Variants in MELTF observed in about 807,000 individuals in gnomAD.
The protein encoded by MELTF is antigen p97 (melanoma associated) identified by monoclonal antibodies 133.2 and 96.5.
In MELTF, 67 loss-of-function variants were observed where a neutral mutation model predicts 83.7. That is an observed-to-expected ratio of 0.80 (90% CI 0.66 to 0.98). The LOEUF is 0.98. Among genes scored for constraint, MELTF ranks in the 50% least tolerant of loss-of-function variants. The pLI is 0.00. For synonymous variants in MELTF, 462 were observed against 447.6 expected, an observed-to-expected ratio of 1.03 and a Z score of -0.41; for missense variants, 1,002 against 1,035.6, an observed-to-expected ratio of 0.97 and a Z score of 0.44.
Position 197,017,211 on chromosome 3 carries a change from A to G in MELTF, c.792T>C (p.Asp264=), listed in dbSNP as rs2148585664. The change falls in exon 7 of 16, where the codon GAT becomes GAC. Residue 264 remains aspartate, a synonymous_variant. Transcript: ENST00000296350. ...ELLCRDGSRA[D]VTEWRQCHLA... is the part of the protein sequence containing the mutation. ...GATGGCACTGCCTCCACTCGGTGAC[A>G]TCGGCCCGGCTACCATCCCGGCACA... The G allele has an allele frequency of 6.3e-7, 1 of 1,599,796 alleles. No individual in the cohort carries two copies. Among genetic ancestry groups the G allele is most frequent in the South Asian group, 1.1e-5 (1 of 88,222 alleles).
Position 197,007,599 on chromosome 3 carries a change from G to A in MELTF, c.1751-863C>T, listed in dbSNP as rs1353882634. The stretch of plus-strand genomic sequence containing the variant: ...GACCAGGCAGGCCCGCTGGGCTCGT[G>A]CAGGAGCACACAGCCCCTCCCTGGG... On this transcript the variant is annotated intron_variant, in intron 13 of 15. Coordinates refer to ENST00000296350, the MANE Select transcript of MELTF (RefSeq NM_005929.6). This position sits in a 1 kb window ranked among gnomAD's most constrained non-coding sequence, Gnocchi z 4.3. Among the ~76,000 whole-genome samples, 1 of 152,192 alleles carries A rather than the reference G, an allele frequency of 6.6e-6. No individual in the cohort carries two copies. Among genetic ancestry groups the A allele is most frequent in the African/African-American group, 2.4e-5 (1 of 41,444 alleles).
chr3:197,019,824 A>G, intron 6 of MELTF: 1 of 1,548,898 alleles, frequency 6.5e-7, no homozygotes. Context: ...GCAATGGTTA[A>G]TAACAGCAAA....
intron 9 of MELTF, among the ~76,000 whole-genome samples, chr3:197,012,330 A>G (rs1331063021): frequency 6.6e-6 from 1 of 152,234 alleles, no homozygotes; most frequent in Non-Finnish European, 1.5e-5. Context: ...TTCCAGACCC[A>G]GAAGTGGGGC....
In MELTF at chr3:197,024,230, T is replaced by A; in HGVS notation, c.487+73A>T. On this transcript the variant is annotated intron_variant, in intron 4 of 15. Transcript: ENST00000296350. The surrounding 1 kb of genome is among the most constrained non-coding windows in gnomAD (Gnocchi z 5.3). The stretch of plus-strand genomic sequence containing the variant: ...GCGAGGCCGGAGGGAGGCTACCCAG[T>A]GAAGGGACGAGCATGGGCCAAGGAA... The A allele has an allele frequency of 6.9e-7, 1 of 1,459,556 alleles. No individual in the cohort carries two copies. Among genetic ancestry groups the A allele is most frequent in the South Asian group, 1.3e-5 (1 of 74,212 alleles). 90.4% of individuals were successfully genotyped at this position (1,459,556 alleles called of 1,614,324 possible). A position where few individuals can be genotyped will look rare whatever the true frequency, so the allele number is the denominator to read the frequency against.
In MELTF at chr3:197,003,888, G is replaced by T; in HGVS notation, c.2137+13C>A. 6.2e-7 allele frequency: 1 copy of T among 1,611,678 alleles called. No homozygotes were observed. The highest frequency in any genetic ancestry group is 8.5e-7 in the Non-Finnish European group (1 of 1,179,258). ...ATAGCACCAGGGGAGGCGGCAGGGC[G>T]GGCCTGTCCTACCTGCGCCCGAGCA... On this transcript the variant is annotated intron_variant, in intron 15 of 15. Coordinates refer to ENST00000296350, the MANE Select transcript of MELTF (RefSeq NM_005929.6). The surrounding 1 kb of genome is among the most constrained non-coding windows in gnomAD (Gnocchi z 6.2).
rs183734257 is a variant in MELTF at position 197,026,389 on chromosome 3, G to A, written c.304+271C>T. On this transcript the variant is annotated intron_variant, in intron 3 of 15. Coordinates refer to ENST00000296350, the MANE Select transcript of MELTF (RefSeq NM_005929.6). ...CCGTGCCCGGCACCACGCCAGGCCCGGGACAGCCCGCAGTAAGAGCTGAGT... is the reference window on the plus strand; with the variant it reads ...CCGTGCCCGGCACCACGCCAGGCCCAGGACAGCCCGCAGTAAGAGCTGAGT... The A allele has an allele frequency of 6.4e-4, 293 of 456,424 alleles. 1 individual carries two copies. The East Asian group carries it at 8.3e-3, about 13-fold the overall frequency. The allele number at this position is 456,424 out of a possible 1,614,324, so 28.3% of individuals were successfully genotyped here.
Position 197,003,606 on chromosome 3 carries a change from G to A in MELTF, c.2138-155C>T. 1.5e-6 allele frequency: 1 copy of A among 672,582 alleles called. No homozygotes were observed. Among genetic ancestry groups the A allele is most frequent in the Non-Finnish European group, 2.3e-6 (1 of 434,688 alleles). The allele number at this position is 672,582 out of a possible 1,614,324, so 41.7% of individuals were successfully genotyped here. A position where few individuals can be genotyped will look rare whatever the true frequency, so the allele number is the denominator to read the frequency against. On this transcript the variant is annotated intron_variant, in intron 15 of 15. Transcript: ENST00000296350. The surrounding 1 kb of genome is among the most constrained non-coding windows in gnomAD (Gnocchi z 6.2). ...TTTCCCCTGCTGCCCTTCCAGATGC[G>A]CTCTTTCCAGAAAGGCAGCACACGC...
intron 7 of MELTF, 143 bp from the exon 8 acceptor site, chr3:197,016,512 C>T (rs923872147): frequency 1.3e-5 from 9 of 671,552 alleles, no homozygotes; most frequent in Admixed American, 8.6e-5. Context: ...CCCTCTTCTG[C>T]GGCGCCTCCC....
chr3:197,026,709 C>T lies in MELTF; in HGVS notation c.255G>A (p.Ala85=), dbSNP rs142138497. The T allele has an allele frequency of 8.2e-5, 132 of 1,613,472 alleles. No individual in the cohort carries two copies. In the Admixed American group the frequency reaches 1.0e-3, roughly 12 times the overall value. ...ITLDGGAIYE[A]GKEHGLKPVV... The stretch of plus-strand genomic sequence containing the variant: ...CCGGCTTCAGGCCGTGCTCCTTTCC[C>T]GCCTCATAGATGGCTCCTCCATCCA... The change falls in exon 3 of 16, where the codon GCG becomes GCA. Residue 85 remains alanine, a synonymous_variant. Transcript: ENST00000296350.
intron 9 of MELTF, among the ~76,000 whole-genome samples, chr3:197,015,044 C>G (rs1337547308): frequency 6.6e-6 from 1 of 152,260 alleles, no homozygotes; most frequent in Non-Finnish European, 1.5e-5. Context: ...TACAGGGCGT[C>G]AGTGCCCAGC....
At chr3:197,004,411 T>C (rs1322381443) in intron 14 of MELTF, 2 of 428,418 alleles carry the variant, frequency 4.7e-6, no homozygotes, top group Admixed American at 7.4e-5. Flanking sequence ...AGGGATGGTG[T>C]GGGTGGGATT....
Position 197,016,354 on chromosome 3 carries a change from C to A in MELTF, c.916G>T (p.Glu306Ter), listed in dbSNP as rs190096194. 21 of 1,593,746 alleles carry A rather than the reference C, an allele frequency of 1.3e-5. 1 individual carries two copies. The Admixed American group carries it at 2.8e-4, about 21-fold the overall frequency. Residue 306 changes from glutamate to a stop codon, truncating the protein, a stop_gained, in exon 8 of 16, where the codon GAG becomes TAG. Transcript: ENST00000296350. LOFTEE classifies it high-confidence loss of function. Reference sequence around the variant, plus strand: ...CTGAACATCTGGAAGCTGCTGCCCTCGTGGCTGAACAGACGCTGTGTGTCA... The same window carrying A: ...CTGAACATCTGGAAGCTGCTGCCCTAGTGGCTGAACAGACGCTGTGTGTCA... ...LNEGQRLFSH[E>*]GSSFQMFSSE...
Position 197,024,145 on chromosome 3 carries a change from AGGCGGGGGAGGCACGGGGCG to A in MELTF, c.487+138_487+157del, listed in dbSNP as rs200030744. 0.039 allele frequency among the ~76,000 whole-genome samples: 2,409 copies of A among 61,702 alleles called. 33 individuals are homozygous for A. The highest frequency in any genetic ancestry group is 0.12 in the Middle Eastern group (21 of 176). The allele number at this position is 61,702 out of a possible 152,430, so 40.5% of individuals were successfully genotyped here. On this transcript the variant is annotated intron_variant, in intron 4 of 15. Transcript: ENST00000296350. The surrounding 1 kb of genome is among the most constrained non-coding windows in gnomAD (Gnocchi z 5.3). ...AGCGGCGGCGCCGGCGGCAGAGTGG[AGGCGGGGGAGGCACGGGGCG>A]GGCGGGGGCTGCTGCGCCTTCCAGG...
At chr3:197,023,223 G>A (rs1019623384) in intron 4 of MELTF, 110 bp from the exon 5 acceptor site, 2 of 1,109,526 alleles carry the variant, frequency 1.8e-6, no homozygotes, top group South Asian at 2.7e-5. Context: ...GCTGAGAATG[G>A]TTCCACCTTC....
chr3:197,027,798 G>A lies in MELTF; in HGVS notation c.162C>T (p.Cys54=), dbSNP rs746036625. ...REAGIQPSLL[C]VRGTSADHCV... is the part of the protein sequence containing the mutation. ...AGTGGTCGGCGGAGGTGCCCCGGAC[G>A]CAGAGGAGGGAGGGCTGGATGCCCG... The change falls in exon 2 of 16, where the codon TGC becomes TGT. Residue 54 remains cysteine (C), a synonymous_variant. Transcript: ENST00000296350. 21 of 1,610,754 alleles carry A rather than the reference G, an allele frequency of 1.3e-5. No homozygotes were observed. The highest frequency in any genetic ancestry group is 3.3e-5 in the Admixed American group (2 of 59,812).
intron 7 of MELTF, 24 bp from the exon 8 acceptor site, chr3:197,016,393 A>AGGGTGGT (rs1457295539): frequency 1.3e-6 from 2 of 1,486,366 alleles, no homozygotes; most frequent in African/African-American, 2.9e-5. Context: ...GGTGTGGTAC[A>AGGGTGGT]GGGTGGTGAG....
At chr3:197,009,460 A>G (rs1167014588) in intron 11 of MELTF, among the ~76,000 whole-genome samples, 158 bp downstream of exon 11, 1 of 152,220 alleles carries the variant, frequency 6.6e-6, no homozygotes, top group African/African-American at 2.4e-5. Flanking sequence ...TGTATAGCAT[A>G]TGGTGGGTCC....
Position 197,010,679 on chromosome 3 carries a change from C to G in MELTF, c.1330+19G>C. 2 of 1,600,368 alleles carry G rather than the reference C, an allele frequency of 1.2e-6. No individual in the cohort carries two copies. The highest frequency in any genetic ancestry group is 2.2e-5 in the South Asian group (2 of 90,862). On this transcript the variant is annotated intron_variant, in intron 10 of 15. Coordinates refer to ENST00000296350, the MANE Select transcript of MELTF (RefSeq NM_005929.6). ...TCCCCACCTCCCGGCTGAGGCCAGG[C>G]GGCAGGCCCTGCACTCACGGGCATA...
At position 197,020,115 on chromosome 3, in the gene MELTF, T is replaced by C. The variant is rs527817715; in HGVS notation, c.712+1289A>G. Among the ~76,000 whole-genome samples the C allele has an allele frequency of 5.3e-5, 8 of 152,292 alleles. No homozygotes were observed. In the South Asian group the frequency reaches 1.7e-3, roughly 32 times the overall value. On this transcript the variant is annotated intron_variant, in intron 6 of 15. Transcript: ENST00000296350. The stretch of plus-strand genomic sequence containing the variant: ...CTCAATTTAAAAAAAGAAACAATCT[T>C]CAGGCAAATCTAAATTGAGGGACAT...
Sources: allele counts gnomAD v4.1 joint callset (sites outside exome capture counted in the v4.1 genomes callset), GRCh38; gene constraint gnomAD v4.1.1; non-coding constraint Gnocchi (gnomAD v3.1); transcripts MANE v1.5; gene names NCBI Gene and HGNC (gene_info 2026-07-23, HGNC 2026-07-21).